Variants in MACROD2 observed in about 807,000 individuals in gnomAD.
MACROD2 encodes the protein mono-ADP ribosylhydrolase 2, also known as ADP-ribose glycohydrolase MACROD2.
MACROD2 carries 36 observed loss-of-function variants against 70.4 expected under a neutral mutation model. That is an observed-to-expected ratio of 0.51 (90% CI 0.39 to 0.68). The LOEUF is 0.68. Among genes scored for constraint, MACROD2 ranks in the 30% least tolerant of loss-of-function variants. The pLI is 0.00. For synonymous variants in MACROD2, 172 were observed against 178.8 expected (o/e 0.96, Z 0.30); for missense variants, 496 against 538.4 (o/e 0.92, Z 0.78).
rs1047439726 is a variant in MACROD2 at position 15,993,802 on chromosome 20, G to C, written c.1153+6644G>C. Among the ~76,000 whole-genome samples the C allele has an allele frequency of 2.6e-5, 4 of 152,186 alleles. No homozygotes were observed. The Middle Eastern group carries it at 0.01, about 388-fold the overall frequency. On this transcript the variant is annotated intron_variant, in intron 15 of 17. Coordinates refer to ENST00000684519, the MANE Select transcript of MACROD2 (RefSeq NM_001351661.2). ...CCTTTCCTTCTATCAGACAAAATTC[G>C]TTTTCACTGATATGAACAAATCTCA...
intron 5 of MACROD2, among the ~76,000 whole-genome samples, chr20:14,745,458 G>A (rs2123726942): frequency 6.6e-6 from 1 of 152,272 alleles, no homozygotes; most frequent in African/African-American, 2.4e-5. Flanking sequence ...CTGAGGACAT[G>A]CCTCAGAACA....
chr20:14,962,768 C>T (rs1431741787), intron 5 of MACROD2, among the ~76,000 whole-genome samples: 1 of 151,674 alleles, frequency 6.6e-6, no homozygotes, highest in Admixed American at 6.6e-5. Context: ...TCCTCTCCCT[C>T]CTCACCAATG....
intron 12 of MACROD2, among the ~76,000 whole-genome samples, chr20:15,948,562 T>C (rs892020168): frequency 6.6e-6 from 1 of 151,494 alleles, no homozygotes; most frequent in African/African-American, 2.4e-5. Context: ...TCCCAAAACT[T>C]TCACACTGCA....
chr20:14,361,043 G>T (rs116405860), intron 3 of MACROD2, among the ~76,000 whole-genome samples: 3,140 of 152,152 alleles, frequency 0.021, 69 homozygotes, highest in African/African-American at 0.055. Context: ...TTTGGAAGTC[G>T]AATTGCTGTT....
At chr20:15,287,865 T>C (rs910994342) in intron 6 of MACROD2, among the ~76,000 whole-genome samples, 2 of 152,242 alleles carry the variant, frequency 1.3e-5, no homozygotes, top group African/African-American at 2.4e-5. Flanking sequence ...TTTACACTAC[T>C]AATCTTCCAT....
At chr20:15,701,508 A>G (rs2050458176) in intron 8 of MACROD2, among the ~76,000 whole-genome samples, 1 of 152,192 alleles carries the variant, frequency 6.6e-6, no homozygotes, top group Admixed American at 6.5e-5. Context: ...CGCATGTTCC[A>G]ATGGCTTCAA....
chr20:14,566,953 A>ATTT, intron 4 of MACROD2: 1 of 148,112 alleles, frequency 6.8e-6, no homozygotes, highest in East Asian at 2.0e-4. Context: ...AGCGATTCTA[A>ATTT]TTTTTTTTTT....
rs76401763 is a variant in MACROD2 at position 14,193,728 on chromosome 20, C to T, written c.271+108000C>T. The stretch of plus-strand genomic sequence containing the variant: ...CAGGGTGGGAAAGAGAAAAAAATAC[C>T]CTGACCCTTTTCTCTTTTCAACTCC... On this transcript the variant is annotated intron_variant, in intron 3 of 17. Transcript: ENST00000684519. 6.8e-3 allele frequency among the ~76,000 whole-genome samples: 1,042 copies of T among 152,164 alleles called. 25 individuals carry two copies. The highest frequency in any genetic ancestry group is 0.046 in the Admixed American group (697 of 15,280).
intron 4 of MACROD2, among the ~76,000 whole-genome samples, chr20:14,643,847 T>A (rs1886046706): frequency 6.6e-6 from 1 of 152,154 alleles, no homozygotes; most frequent in African/African-American, 2.4e-5. Context: ...ATTTGTTGAA[T>A]GAATGTATGG....
At chr20:15,419,500 G>A (rs1600385567) in intron 6 of MACROD2, among the ~76,000 whole-genome samples, 2 of 152,162 alleles carry the variant, frequency 1.3e-5, no homozygotes, top group Non-Finnish European at 2.9e-5. Flanking sequence ...CAGAGCTCCT[G>A]CAATCAGCCC....
At chr20:14,333,723 C>T (rs2082884559) in intron 3 of MACROD2, among the ~76,000 whole-genome samples, 1 of 152,136 alleles carries the variant, frequency 6.6e-6, no homozygotes, top group Non-Finnish European at 1.5e-5. Context: ...TTTTAGTCTA[C>T]TGTGTGGCAA....
intron 4 of MACROD2, among the ~76,000 whole-genome samples, chr20:14,509,613 A>C (rs1160234593): frequency 6.6e-6 from 1 of 151,984 alleles, no homozygotes. Flanking sequence ...CAAGTTATTT[A>C]ACCTCACTTT....
At chr20:14,469,746 G>A (rs557123160) in intron 3 of MACROD2, among the ~76,000 whole-genome samples, 271 of 151,770 alleles carry the variant, frequency 1.8e-3, no homozygotes, top group Non-Finnish European at 2.6e-3. Flanking sequence ...CATGCTTCAC[G>A]AAGTTCTCGT....
chr20:14,547,949 C>G (rs1048958541), intron 4 of MACROD2, among the ~76,000 whole-genome samples: 7 of 152,142 alleles, frequency 4.6e-5, no homozygotes, highest in Non-Finnish European at 1.5e-5. Context: ...AGTGAAAGTA[C>G]CAGTCCTCCT....
intron 5 of MACROD2, among the ~76,000 whole-genome samples, chr20:14,954,575 A>C (rs2074504115): frequency 7.3e-6 from 1 of 136,956 alleles, no homozygotes; most frequent in Non-Finnish European, 1.5e-5. Flanking sequence ...ATATAAATGT[A>C]TAAATTATAA....
chr20:14,674,158 G>A (rs571471622), intron 4 of MACROD2, among the ~76,000 whole-genome samples: 1 of 152,092 alleles, frequency 6.6e-6, no homozygotes, highest in East Asian at 1.9e-4. Context: ...GAGCTTCTCT[G>A]CCCTATTCAT....
intron 5 of MACROD2, among the ~76,000 whole-genome samples, chr20:15,091,575 A>G (rs2075793442): frequency 6.6e-6 from 1 of 152,090 alleles, no homozygotes; most frequent in Non-Finnish European, 1.5e-5. Flanking sequence ...GCTTTAAACC[A>G]AACCGCATGT....
chr20:14,071,877 C>T (rs1416069708), intron 2 of MACROD2, among the ~76,000 whole-genome samples: 2 of 151,958 alleles, frequency 1.3e-5, no homozygotes, highest in Non-Finnish European at 1.5e-5. Flanking sequence ...CAAGACCAGC[C>T]TGGGCAACTT....
At chr20:15,242,507 G>A (rs1249319965) in intron 6 of MACROD2, among the ~76,000 whole-genome samples, 1 of 152,066 alleles carries the variant, frequency 6.6e-6, no homozygotes, top group Non-Finnish European at 1.5e-5. Flanking sequence ...TGCCTTTATT[G>A]TGATGTCTTT....
Sources: gnomAD v4.1 joint callset for allele counts (sites outside exome capture counted in the v4.1 genomes callset) on GRCh38, gnomAD v4.1.1 for gene constraint, MANE v1.5 for transcripts, NCBI Gene and HGNC (gene_info 2026-07-23, HGNC 2026-07-21) for gene names.